Variants in PCDHGA8 observed in about 807,000 individuals in gnomAD.
PCDHGA8 encodes protocadherin gamma-A8.
In PCDHGA8, 45 loss-of-function variants were observed where a neutral mutation model predicts 59.2. That is an observed-to-expected ratio of 0.76 (90% CI 0.60 to 0.98). The LOEUF is 0.98. PCDHGA8 is among the 50% of genes least tolerant of loss of function. The pLI is 0.00. For missense variants in PCDHGA8, 1,257 were observed against 1,196.2 expected (o/e 1.05, Z -0.75); for synonymous variants, 531 against 519.0 (o/e 1.02, Z -0.32).
In PCDHGA8 at chr5:141,392,775, A is replaced by C. The variant is rs777775450; in HGVS notation, c.-39A>C. 6.6e-7 allele frequency: 1 copy of C among 1,524,280 alleles called. No homozygotes were observed. Among genetic ancestry groups the C allele is most frequent in the South Asian group, 1.3e-5 (1 of 77,326 alleles). 94.4% of individuals were successfully genotyped at this position (1,524,280 alleles called of 1,614,324 possible). On this transcript the variant is annotated 5_prime_UTR_variant, in exon 1 of 4. Transcript: ENST00000398604. ...GAAACTAAATAAGACCCATTTATGC[A>C]CAGTGAAGATTCTGAGAGGATTCTG...
intron 1 of PCDHGA8, chr5:141,408,684 A>G (rs1660685979): frequency 6.2e-7 from 1 of 1,613,862 alleles, no homozygotes; most frequent in African/African-American, 1.3e-5. Context: ...ACGGATCCTG[A>G]TATAAACATA....
At chr5:141,495,052 CTGTT>C (rs1406995321) in intron 2 of PCDHGA8, among the ~76,000 whole-genome samples, 187 bp downstream of exon 2, 1 of 152,190 alleles carries the variant, frequency 6.6e-6, no homozygotes, top group Non-Finnish European at 1.5e-5. Context: ...ACTGCCCTGA[CTGTT>C]CAGGAAGCTC....
chr5:141,473,382 C>T (rs780229708), intron 1 of PCDHGA8, among the ~76,000 whole-genome samples: 3 of 152,190 alleles, frequency 2.0e-5, no homozygotes, highest in Non-Finnish European at 4.4e-5. Context: ...TGGTCCCTGC[C>T]CTCCTGGAGC....
chr5:141,394,142 A>G lies in PCDHGA8; in HGVS notation c.1329A>G (p.Ala443=), dbSNP rs751602442. The change falls in exon 1 of 4, where the codon GCA becomes GCG. Residue 443 remains alanine (A), a synonymous_variant. Coordinates refer to ENST00000398604, the MANE Select transcript of PCDHGA8 (RefSeq NM_032088.2). ...AAACTCAAATCGCTCTGCACGTGGC[A>G]GACATTAACGACAACCCTCCTACTT... ...STETQIALHV[A]DINDNPPTFP... is the part of the protein sequence containing the mutation. The G allele has an allele frequency of 6.2e-7, 1 of 1,613,996 alleles. No individual in the cohort carries two copies. The highest frequency in any genetic ancestry group is 8.5e-7 in the Non-Finnish European group (1 of 1,179,874).
In PCDHGA8 at chr5:141,432,075, C is replaced by G. The variant is rs2097446801; in HGVS notation, c.2424+36838C>G. 2 of 1,614,086 alleles carry G rather than the reference C, an allele frequency of 1.2e-6. No individual in the cohort carries two copies. Among genetic ancestry groups the G allele is most frequent in the Non-Finnish European group, 1.7e-6 (2 of 1,180,054 alleles). ...CCCCTATCCACGGAAACTCATATCT[C>G]GCTGAACGTGGCAGACACCAACGAC... On this transcript the variant is annotated intron_variant, in intron 1 of 3. Transcript: ENST00000398604. This position sits in a 1 kb window ranked among gnomAD's most constrained non-coding sequence, Gnocchi z 6.0.
At chr5:141,449,407 G>A (rs1367837385) in intron 1 of PCDHGA8, among the ~76,000 whole-genome samples, 2 of 151,754 alleles carry the variant, frequency 1.3e-5, no homozygotes, top group Non-Finnish European at 2.9e-5. Flanking sequence ...AGGAGTTCAA[G>A]ACCAGCCTGG....
Position 141,490,970 on chromosome 5 carries a change from A to G in PCDHGA8, c.2425-3837A>G. ...CCAGACTGGGAACACTCAGCCCCCC[A>G]GCGTCTCCCTCGCTCTGCTCCTCCT... On this transcript the variant is annotated intron_variant, in intron 1 of 3. Coordinates refer to ENST00000398604, the MANE Select transcript of PCDHGA8 (RefSeq NM_032088.2). This position sits in a 1 kb window ranked among gnomAD's most constrained non-coding sequence, Gnocchi z 5.4. 1 of 1,613,858 alleles carries G rather than the reference A, an allele frequency of 6.2e-7. No individual in the cohort carries two copies. Among genetic ancestry groups the G allele is most frequent in the South Asian group, 1.1e-5 (1 of 91,062 alleles).
intron 1 of PCDHGA8, among the ~76,000 whole-genome samples, chr5:141,396,827 T>G (rs1339802094): frequency 6.6e-6 from 1 of 152,218 alleles, no homozygotes; most frequent in East Asian, 1.9e-4. Flanking sequence ...TGGTGCATAT[T>G]CAGTGGAGTG....
chr5:141,502,577 A>G (rs1260539435), intron 2 of PCDHGA8, among the ~76,000 whole-genome samples: 2 of 152,192 alleles, frequency 1.3e-5, no homozygotes, highest in African/African-American at 4.8e-5. Context: ...TTATAAAAAT[A>G]TATTTTTATA....
chr5:141,451,813 G>A (rs921877961), intron 1 of PCDHGA8, among the ~76,000 whole-genome samples: 13 of 150,788 alleles, frequency 8.6e-5, no homozygotes, highest in East Asian at 2.0e-4. Context: ...CCCAGGAGGC[G>A]GAGGTTACAG....
rs779718881 is a variant in PCDHGA8 at position 141,394,496 on chromosome 5, G to T, written c.1683G>T (p.Glu561Asp). 5 of 1,614,118 alleles carry T rather than the reference G, an allele frequency of 3.1e-6. No homozygotes were observed. The highest frequency in any genetic ancestry group is 1.6e-4 in the Middle Eastern group (1 of 6,084). ...TGGACCAGAATGACAACGCGCCCGA[G>T]ATCCTGTACCCCGCCCTCCCCACAG... is the stretch of plus-strand genomic sequence containing the variant. ...FVLDQNDNAP[E>D]ILYPALPTDG... is the part of the protein sequence containing the mutation. The change falls in exon 1 of 4, where the codon GAG (glutamate) becomes GAT (aspartate). Residue 561 changes from glutamate (E) to aspartate (D), a missense_variant. Glu to Asp is a conservative substitution (Grantham distance 45). Transcript: ENST00000398604.
rs922042985 is a variant in PCDHGA8, at chr5:141,415,768, T to G, written c.2424+20531T>G. 1.6e-5 allele frequency: 22 copies of G among 1,345,224 alleles called. No homozygotes were observed. The African/African-American group carries it at 3.6e-4, about 22-fold the overall frequency. The allele number at this position is 1,345,224 out of a possible 1,614,324, so 83.3% of individuals were successfully genotyped here. ...TTTTTTTTTTTTTTTTTTTTTTTTT[T>G]TTTTACTTTCTGGTAAAATTCACCT... is the stretch of plus-strand genomic sequence containing the variant. On this transcript the variant is annotated intron_variant, in intron 1 of 3. Coordinates refer to ENST00000398604, the MANE Select transcript of PCDHGA8 (RefSeq NM_032088.2).
intron 1 of PCDHGA8, chr5:141,411,226 C>G (rs781690096): frequency 6.6e-6 from 1 of 151,996 alleles, no homozygotes; most frequent in South Asian, 2.1e-4. Flanking sequence ...TTCAAATTTG[C>G]GAAGACTTAG....
intron 1 of PCDHGA8, among the ~76,000 whole-genome samples, chr5:141,437,246 C>A (rs897787623): frequency 6.6e-6 from 1 of 152,144 alleles, no homozygotes; most frequent in Non-Finnish European, 1.5e-5. Context: ...CAAGGACTTT[C>A]CTTGTCTTTT....
chr5:141,480,578 A>G (rs1343189182), intron 1 of PCDHGA8, among the ~76,000 whole-genome samples: 1 of 133,254 alleles, frequency 7.5e-6, no homozygotes, highest in Admixed American at 7.4e-5. Context: ...GCAAGAAATA[A>G]CTGCCGCTCT....
At chr5:141,441,368 G>A (rs1215599443) in intron 1 of PCDHGA8, 2 of 152,598 alleles carry the variant, frequency 1.3e-5, no homozygotes, top group African/African-American at 2.4e-5. Flanking sequence ...TGGGGCCGTG[G>A]ACCAGGAACA....
In PCDHGA8 at chr5:141,393,635, C is replaced by A. The variant is rs370544677; in HGVS notation, c.822C>A (p.Asn274Lys). ...CCAGCGACCCGGATGAGGGAATCAA[C>A]GGAAAAGTGGCATACAAATTCCGGA... ...VTASDPDEGI[N>K]GKVAYKFRKI... The change falls in exon 1 of 4, where the codon AAC becomes AAA. Residue 274 changes from asparagine to lysine, a missense_variant. By Grantham distance (94) the Asn-to-Lys change is moderately conservative (BLOSUM62 0). Coordinates refer to ENST00000398604, the MANE Select transcript of PCDHGA8 (RefSeq NM_032088.2). 1 of 1,613,750 alleles carries A rather than the reference C, an allele frequency of 6.2e-7. No individual in the cohort carries two copies. The highest frequency in any genetic ancestry group is 1.3e-5 in the African/African-American group (1 of 74,914).
chr5:141,485,226 T>C lies in PCDHGA8; in HGVS notation c.2425-9581T>C. ...GAAATCTGGCGGTGGGCTACCCTTT[T>C]GTTCCTCTTTTACCACCTGGGTTAC... On this transcript the variant is annotated intron_variant, in intron 1 of 3. Transcript: ENST00000398604. The surrounding 1 kb of genome is among the most constrained non-coding windows in gnomAD (Gnocchi z 5.7). 1.9e-6 allele frequency: 3 copies of C among 1,614,170 alleles called. No homozygotes were observed. Among genetic ancestry groups the C allele is most frequent in the Non-Finnish European group, 2.5e-6 (3 of 1,180,026 alleles).
chr5:141,422,750 T>C (rs778578440), intron 1 of PCDHGA8: 4 of 1,611,900 alleles, frequency 2.5e-6, no homozygotes, highest in Non-Finnish European at 3.4e-6. Flanking sequence ...TATGTCTCTA[T>C]TAACTCCAAC....
Sources: gnomAD v4.1 joint callset for allele counts (sites outside exome capture counted in the v4.1 genomes callset) on GRCh38, gnomAD v4.1.1 for gene constraint, Gnocchi (gnomAD v3.1) non-coding constraint, MANE v1.5 for transcripts, NCBI Gene and HGNC (gene_info 2026-07-23, HGNC 2026-07-21) for gene names.